The following CTTNBP2 variants were observed in gnomAD, a reference collection of about 807,000 sequenced individuals.
CTTNBP2 encodes the protein cortactin-binding protein 2.
A neutral mutation model predicts 156.9 loss-of-function variants in CTTNBP2; 108 were observed. The observed-to-expected ratio is 0.69, with a 90% CI of 0.59 to 0.81. CTTNBP2 has a LOEUF of 0.81. CTTNBP2 is among the 30% of genes least tolerant of loss of function. The pLI is 0.00. For missense variants in CTTNBP2, 1,924 were observed against 2,035.4 expected (o/e 0.95, Z 1.05); for synonymous variants, 767 against 751.8 (o/e 1.02, Z -0.33).
At chr7:117,842,182 A>G (rs931293234) in intron 2 of CTTNBP2, among the ~76,000 whole-genome samples, 1 of 152,192 alleles carries the variant, frequency 6.6e-6, no homozygotes, top group Admixed American at 6.5e-5. Flanking sequence ...CAATTTTTCT[A>G]TAAAACTAAA....
intron 14 of CTTNBP2, among the ~76,000 whole-genome samples, chr7:117,738,684 G>C (rs1035609037): frequency 1.1e-4 from 17 of 152,172 alleles, no homozygotes; most frequent in African/African-American, 4.1e-4. Context: ...GGGAGGAGGT[G>C]GTGGTGATGG....
Position 117,711,594 on chromosome 7 carries a change from T to C in CTTNBP2, c.4935A>G (p.Ser1645=). Residue 1645 remains serine (S), a synonymous_variant, in exon 23 of 23, where the codon TCA becomes TCG. Coordinates refer to ENST00000160373, the MANE Select transcript of CTTNBP2 (RefSeq NM_033427.3). ...TGTGTAAGTTCCAATTCACTTCTTTTGAGTTGTTGTTGATTTCTATTTGCC... is the reference window on the plus strand; with the variant it reads ...TGTGTAAGTTCCAATTCACTTCTTTCGAGTTGTTGTTGATTTCTATTTGCC... ...NTRQIEINNN[S]KEVNWNLHKN... is the part of the protein sequence containing the mutation. 3 of 1,614,006 alleles carry C rather than the reference T, an allele frequency of 1.9e-6. No individual in the cohort carries two copies. The highest frequency in any genetic ancestry group is 2.5e-6 in the Non-Finnish European group (3 of 1,179,876).
At chr7:117,846,804 ACTGGC>A in intron 2 of CTTNBP2, among the ~76,000 whole-genome samples, 1 of 152,248 alleles carries the variant, frequency 6.6e-6, no homozygotes, top group South Asian at 2.1e-4. Context: ...AGATTTAAAA[ACTGGC>A]TTCTTAAACA....
intron 9 of CTTNBP2, among the ~76,000 whole-genome samples, chr7:117,763,555 CTT>C (rs767309488): frequency 0.2 from 20,066 of 101,866 alleles, 906 homozygotes; most frequent in African/African-American, 0.28. Context: ...TCTTCTTCTT[CTT>C]TTTTTTTTTT....
At chr7:117,860,721 A>G (rs982008883) in intron 2 of CTTNBP2, among the ~76,000 whole-genome samples, 1 of 152,226 alleles carries the variant, frequency 6.6e-6, no homozygotes, top group Non-Finnish European at 1.5e-5. Context: ...ACCAGAAAAA[A>G]TTAACACTTT....
intron 2 of CTTNBP2, among the ~76,000 whole-genome samples, chr7:117,827,013 T>C (rs1201332082): frequency 6.6e-6 from 1 of 152,002 alleles, no homozygotes; most frequent in Non-Finnish European, 1.5e-5. Flanking sequence ...AGCATGCCAC[T>C]GCACCCAGCT....
chr7:117,756,949 G>T (rs1796917546), intron 11 of CTTNBP2, among the ~76,000 whole-genome samples: 2 of 152,162 alleles, frequency 1.3e-5, no homozygotes, highest in Admixed American at 1.3e-4. Flanking sequence ...ACTGTGCCCA[G>T]TATCTGCTGA....
At chr7:117,738,275 C>T (rs1462627859) in intron 14 of CTTNBP2, among the ~76,000 whole-genome samples, 3 of 152,116 alleles carry the variant, frequency 2.0e-5, no homozygotes, top group Non-Finnish European at 4.4e-5. Flanking sequence ...AGCCTCAGGA[C>T]CAAGCCAAAA....
intron 2 of CTTNBP2, among the ~76,000 whole-genome samples, chr7:117,821,489 T>C (rs1164798183): frequency 6.6e-6 from 1 of 152,182 alleles, no homozygotes; most frequent in East Asian, 1.9e-4. Context: ...TTTTATCCTT[T>C]ATATTGTTAA....
rs1180902845 is a variant in CTTNBP2 at position 117,732,121 on chromosome 7, AAAGT to A, written c.3876+2788_3876+2791del. ...AATGAAAAACAATTTTATTTTCCTA[AAAGT>A]AAGGTCTCAGATAAAATGCTAACGT... On this transcript the variant is annotated intron_variant, in intron 16 of 22. Coordinates refer to ENST00000160373, the MANE Select transcript of CTTNBP2 (RefSeq NM_033427.3). Among the ~76,000 whole-genome samples, 4 of 152,216 alleles carry A rather than the reference AAAGT, an allele frequency of 2.6e-5. No homozygotes were observed. In the South Asian group the frequency reaches 6.2e-4, roughly 24 times the overall value.
rs193127565 is a variant in CTTNBP2 at position 117,831,626 on chromosome 7, C to T, written c.190-20637G>A. Among the ~76,000 whole-genome samples, 120 of 152,204 alleles carry T rather than the reference C, an allele frequency of 7.9e-4. 1 individual carries two copies. Among genetic ancestry groups the T allele is most frequent in the African/African-American group, 2.7e-3 (113 of 41,534 alleles). On this transcript the variant is annotated intron_variant, in intron 2 of 22. Coordinates refer to ENST00000160373, the MANE Select transcript of CTTNBP2 (RefSeq NM_033427.3). ...AAAGACTGTATACATTTGAGGTCTCCAAACTCACCTGGGTCCCAGGAGCCA... is the reference window on the plus strand; with the variant it reads ...AAAGACTGTATACATTTGAGGTCTCTAAACTCACCTGGGTCCCAGGAGCCA...
intron 2 of CTTNBP2, among the ~76,000 whole-genome samples, chr7:117,851,952 A>G (rs1454425338): frequency 6.6e-6 from 1 of 152,222 alleles, no homozygotes; most frequent in Admixed American, 6.5e-5. Flanking sequence ...AGTTAACTTG[A>G]CAGGATTACT....
At chr7:117,712,826 T>G (rs1161721315) in intron 22 of CTTNBP2, among the ~76,000 whole-genome samples, 1 of 152,120 alleles carries the variant, frequency 6.6e-6, no homozygotes, top group African/African-American at 2.4e-5. Context: ...ACATACGATT[T>G]TAAAAAATCT....
chr7:117,787,980 G>A (rs190402951), intron 4 of CTTNBP2, among the ~76,000 whole-genome samples: 12 of 151,956 alleles, frequency 7.9e-5, no homozygotes, highest in African/African-American at 2.9e-4. Flanking sequence ...ATATAATTTT[G>A]GTTTAATGTT....
In CTTNBP2 at chr7:117,815,746, G is replaced by GT. The variant is rs561398735; in HGVS notation, c.190-4758dup. 5.5e-3 allele frequency among the ~76,000 whole-genome samples: 841 copies of GT among 152,196 alleles called. 2 individuals carry two copies. Among genetic ancestry groups the GT allele is most frequent in the Non-Finnish European group, 0.01 (688 of 68,002 alleles). ...ATATGTTCTAACAAAAGGCATTCAC[G>GT]TTTTTTTAAAAAATCATGACACTGC... On this transcript the variant is annotated intron_variant, in intron 2 of 22. Coordinates refer to ENST00000160373, the MANE Select transcript of CTTNBP2 (RefSeq NM_033427.3).
In CTTNBP2 at chr7:117,787,773, A is replaced by G. The variant is rs548228083; in HGVS notation, c.2069-3319T>C. 2.9e-4 allele frequency among the ~76,000 whole-genome samples: 44 copies of G among 152,310 alleles called. No individual in the cohort carries two copies. In the South Asian group the frequency reaches 6.2e-3, roughly 22 times the overall value. On this transcript the variant is annotated intron_variant, in intron 4 of 22. Transcript: ENST00000160373. ...GTTTGGGTAATTTATACTACAATTC[A>G]TTAAAAGGCTAACTTCTGTCATTCC...
chr7:117,712,549 C>T (rs183382161), intron 22 of CTTNBP2: 7 of 152,340 alleles, frequency 4.6e-5, no homozygotes, highest in Non-Finnish European at 8.8e-5. Flanking sequence ...AAGTGACCTA[C>T]TCTGAATGCC....
Position 117,721,148 on chromosome 7 carries a change from C to A in CTTNBP2, c.4448-18G>T, listed in dbSNP as rs377454624. On this transcript the variant is annotated intron_variant, in intron 19 of 22. Transcript: ENST00000160373. Reference sequence around the variant, plus strand: ...TTTCATACCTGTTAAAAAAGAGAACCATTTTCAATAGATCATTATCCCTGT... The same window carrying A: ...TTTCATACCTGTTAAAAAAGAGAACAATTTTCAATAGATCATTATCCCTGT... 7.0e-7 allele frequency: 1 copy of A among 1,420,526 alleles called. No individual in the cohort carries two copies. The highest frequency in any genetic ancestry group is 1.0e-6 in the Non-Finnish European group (1 of 1,003,940). The allele number at this position is 1,420,526 out of a possible 1,614,324, so 88.0% of individuals were successfully genotyped here. A position where few individuals can be genotyped will look rare whatever the true frequency, so the allele number is the denominator to read the frequency against.
chr7:117,861,492 A>C (rs1803750060), intron 1 of CTTNBP2, among the ~76,000 whole-genome samples, 176 bp from the exon 2 acceptor site: 1 of 152,102 alleles, frequency 6.6e-6, no homozygotes, highest in East Asian at 1.9e-4. Flanking sequence ...AGAGGTAAAA[A>C]CTATAACGCC....
Sources: gnomAD v4.1 joint callset for allele counts (sites outside exome capture counted in the v4.1 genomes callset) on GRCh38, gnomAD v4.1.1 for gene constraint, MANE v1.5 for transcripts, NCBI Gene and HGNC (gene_info 2026-07-23, HGNC 2026-07-21) for gene names.